TMEM178B: variants seen among roughly 807,000 people sequenced by gnomAD.
TMEM178B encodes the protein transmembrane protein 178B.
In TMEM178B, 5 loss-of-function variants were observed where a neutral mutation model predicts 31.0. The observed-to-expected ratio is 0.16, with a 90% CI of 0.08 to 0.34. TMEM178B has a LOEUF of 0.34. Among genes scored for constraint, TMEM178B ranks in the 10% least tolerant of loss-of-function variants. TMEM178B has a pLI of 1.00. For missense variants in TMEM178B, 275 were observed against 400.3 expected (o/e 0.69, Z 2.67); for synonymous variants, 164 against 164.0 (o/e 1.00, Z 0.00).
rs1007095979 is a variant in TMEM178B, at chr7:141,436,699, C to T, written c.497-909C>T. Among the ~76,000 whole-genome samples, 16 of 151,854 alleles carry T rather than the reference C, an allele frequency of 1.1e-4. 1 individual carries two copies. The East Asian group carries it at 2.3e-3, about 22-fold the overall frequency. On this transcript the variant is annotated intron_variant, in intron 2 of 3. Coordinates refer to ENST00000565468, the MANE Select transcript of TMEM178B (RefSeq NM_001195278.2). Reference sequence around the variant, plus strand: ...TTGAGAGCAGCTCTGGCTGCCTCTGCGTGCAGGAGGGCAGGGGTGGGAGCT... The same window carrying T: ...TTGAGAGCAGCTCTGGCTGCCTCTGTGTGCAGGAGGGCAGGGGTGGGAGCT...
chr7:141,240,995 C>A (rs1797608397), intron 2 of TMEM178B, among the ~76,000 whole-genome samples: 1 of 50,352 alleles, frequency 2.0e-5, no homozygotes, highest in Non-Finnish European at 3.8e-5. Flanking sequence ...CTCTGGGATC[C>A]CTTTTTTTTT....
At chr7:141,156,126 C>T (rs1796066489) in intron 1 of TMEM178B, among the ~76,000 whole-genome samples, 3 of 152,120 alleles carry the variant, frequency 2.0e-5, no homozygotes, top group Admixed American at 1.3e-4. Flanking sequence ...CTCCCTTAGA[C>T]ACTTGAGCTT....
intron 2 of TMEM178B, among the ~76,000 whole-genome samples, chr7:141,436,855 G>C (rs573215220): frequency 1.3e-5 from 2 of 152,168 alleles, no homozygotes; most frequent in Non-Finnish European, 2.9e-5. Context: ...TTAGCCAGGC[G>C]TGGAACAGAG....
chr7:141,145,361 A>G (rs940531401), intron 1 of TMEM178B, among the ~76,000 whole-genome samples: 2 of 152,226 alleles, frequency 1.3e-5, no homozygotes, highest in African/African-American at 4.8e-5. Flanking sequence ...CAGGCGTGGT[A>G]GAGCTAACCC....
intron 2 of TMEM178B, among the ~76,000 whole-genome samples, chr7:141,354,014 G>C (rs1422421360): frequency 4.6e-5 from 7 of 152,144 alleles, no homozygotes; most frequent in African/African-American, 2.4e-5. Context: ...ACCTACCCCT[G>C]TCTACCTCAT....
At chr7:141,449,011 C>T (rs1490999101) in intron 3 of TMEM178B, among the ~76,000 whole-genome samples, 6 of 152,096 alleles carry the variant, frequency 3.9e-5, no homozygotes, top group Non-Finnish European at 8.8e-5. Flanking sequence ...ACTGATTCCT[C>T]CAATAGCCCT....
chr7:141,179,956 A>G (rs1412585349), intron 1 of TMEM178B, among the ~76,000 whole-genome samples: 2 of 152,066 alleles, frequency 1.3e-5, no homozygotes, highest in Admixed American at 6.5e-5. Context: ...AGGCCCTCAC[A>G]CTTTCAGTGC....
intron 1 of TMEM178B, among the ~76,000 whole-genome samples, chr7:141,106,179 A>C (rs553361232): frequency 6.6e-6 from 1 of 151,766 alleles, no homozygotes; most frequent in Admixed American, 6.6e-5. Context: ...CTTGCATTTG[A>C]CTTTGCATTC....
At chr7:141,460,690 A>AGTCACCCAG (rs1802045141) in intron 3 of TMEM178B, among the ~76,000 whole-genome samples, 1 of 152,224 alleles carries the variant, frequency 6.6e-6, no homozygotes, top group South Asian at 2.1e-4. Context: ...GGTGCAGAGC[A>AGTCACCCAG]GTCGTGTCGT....
At chr7:141,394,313 C>G (rs985896625) in intron 2 of TMEM178B, among the ~76,000 whole-genome samples, 4 of 152,168 alleles carry the variant, frequency 2.6e-5, no homozygotes, top group Admixed American at 6.5e-5. Flanking sequence ...AGGCTTTGGG[C>G]CTAAAAGGGT....
chr7:141,392,433 T>C (rs1008556077), intron 2 of TMEM178B, among the ~76,000 whole-genome samples: 4 of 152,216 alleles, frequency 2.6e-5, no homozygotes, highest in African/African-American at 9.6e-5. Flanking sequence ...CTTTCTCTCT[T>C]CCTCTCTGCC....
intron 1 of TMEM178B, among the ~76,000 whole-genome samples, chr7:141,075,773 A>C (rs1411414389): frequency 6.6e-6 from 1 of 152,176 alleles, no homozygotes; most frequent in East Asian, 1.9e-4. Context: ...TTATTTGCAA[A>C]GTTTTTAAGG....
At chr7:141,218,360 G>A (rs550521978) in intron 2 of TMEM178B, among the ~76,000 whole-genome samples, 1 of 152,260 alleles carries the variant, frequency 6.6e-6, no homozygotes, top group African/African-American at 2.4e-5. Flanking sequence ...GGAGGCAGGA[G>A]ACCAAGACTT....
At position 141,166,141 on chromosome 7, in the gene TMEM178B, G is replaced by A. The variant is rs535553614; in HGVS notation, c.383-46450G>A. ...CCACAATTGCTGTACTCAGACTCTGGGCCAGTAGACCTATAGTAGGTGGGA... is the reference window on the plus strand; with the variant it reads ...CCACAATTGCTGTACTCAGACTCTGAGCCAGTAGACCTATAGTAGGTGGGA... On this transcript the variant is annotated intron_variant, in intron 1 of 3. Coordinates refer to ENST00000565468, the MANE Select transcript of TMEM178B (RefSeq NM_001195278.2). Among the ~76,000 whole-genome samples the A allele has an allele frequency of 3.9e-5, 6 of 152,294 alleles. No homozygotes were observed. The South Asian group carries it at 1.2e-3, about 32-fold the overall frequency.
intron 1 of TMEM178B, among the ~76,000 whole-genome samples, chr7:141,116,460 C>T (rs371619550): frequency 6.6e-6 from 1 of 151,516 alleles, no homozygotes; most frequent in African/African-American, 2.4e-5. Flanking sequence ...ATTTCTTTGA[C>T]TATTAAATTC....
chr7:141,287,865 C>G (rs1586871866), intron 2 of TMEM178B, among the ~76,000 whole-genome samples: 1 of 152,198 alleles, frequency 6.6e-6, no homozygotes, highest in Non-Finnish European at 1.5e-5. Flanking sequence ...TGCTTCCTCT[C>G]AAGATCATTT....
intron 3 of TMEM178B, among the ~76,000 whole-genome samples, chr7:141,465,702 G>A (rs1205632505): frequency 1.3e-5 from 2 of 152,116 alleles, no homozygotes; most frequent in Non-Finnish European, 2.9e-5. Flanking sequence ...GAACTTCTAT[G>A]TGGAGAGGTA....
intron 3 of TMEM178B, among the ~76,000 whole-genome samples, chr7:141,462,299 C>T (rs775463648): frequency 2.6e-5 from 4 of 152,138 alleles, no homozygotes; most frequent in Admixed American, 6.5e-5. Context: ...CAGGAACTTA[C>T]GGAAATTTGG....
chr7:141,106,085 C>CAAAAAA (rs3032870), intron 1 of TMEM178B, among the ~76,000 whole-genome samples: 1 of 122,834 alleles, frequency 8.1e-6, no homozygotes. Flanking sequence ...GACCCTGTCT[C>CAAAAAA]AAAAAAAAAA....
Sources: allele counts gnomAD v4.1 joint callset (sites outside exome capture counted in the v4.1 genomes callset), GRCh38; gene constraint gnomAD v4.1.1; transcripts MANE v1.5; gene names NCBI Gene and HGNC (gene_info 2026-07-23, HGNC 2026-07-21).